APOO: variants seen among roughly 807,000 people sequenced by gnomAD.
The protein encoded by APOO is MICOS complex subunit MIC26.
Under a neutral mutation model 23.1 loss-of-function variants are expected in APOO, and 11 were observed. The ratio of observed to expected loss-of-function variants is 0.48; its 90% CI spans 0.30 to 0.79. The LOEUF is 0.79. APOO is among the 30% of genes least tolerant of loss of function. The pLI, the probability that APOO is intolerant of heterozygous loss-of-function variation, is 0.07. For missense variants in APOO, 160 were observed against 142.7 expected, an observed-to-expected ratio of 1.12 and a Z score of -0.62; for synonymous variants, 59 against 54.8, an observed-to-expected ratio of 1.08 and a Z score of -0.34.
At chrX:23,871,800 T>G (rs1485624044) in intron 4 of APOO, among the ~76,000 whole-genome samples, 5 of 111,916 alleles carry the variant, frequency 4.5e-5, no homozygotes, top group Non-Finnish European at 3.8e-5. Context: ...CCTGGCAGAA[T>G]GGTGACTTAA....
In APOO at chrX:23,907,631, CG is replaced by C. The variant is rs1052414197; in HGVS notation, c.9+62del. ...GCTGCAGAGAGGCCCCAAGAGAGCG[CG>C]GGGAGGGCTCGGGCGGCCGGGAGGG... On this transcript the variant is annotated intron_variant, in intron 1 of 8. Coordinates refer to ENST00000379226, the MANE Select transcript of APOO (RefSeq NM_024122.5). 8 of 1,117,734 alleles carry C rather than the reference CG, an allele frequency of 7.2e-6. No individual in the cohort carries two copies. In the African/African-American group the frequency reaches 1.5e-4, roughly 21 times the overall value. 92.1% of individuals were successfully genotyped at this position (1,117,734 alleles called of 1,213,427 possible).
intron 4 of APOO, among the ~76,000 whole-genome samples, chrX:23,869,132 C>T (rs1925483465): frequency 9.1e-6 from 1 of 110,055 alleles, no homozygotes; most frequent in Non-Finnish European, 1.9e-5. Context: ...TGGTCTCGAA[C>T]TCCTGACCTC....
At chrX:23,865,748 T>C (rs1303684648) in intron 5 of APOO, among the ~76,000 whole-genome samples, 1 of 111,383 alleles carries the variant, frequency 9.0e-6, no homozygotes, top group Non-Finnish European at 1.9e-5. Flanking sequence ...CTCATCTTGC[T>C]TGGTGAACCC....
At chrX:23,893,903 C>A (rs923309291) in intron 1 of APOO, among the ~76,000 whole-genome samples, 1 of 110,387 alleles carries the variant, frequency 9.1e-6, no homozygotes, top group African/African-American at 3.3e-5. Context: ...GGGCCACACA[C>A]CAAACAGAAC....
At chrX:23,886,716 G>A (rs779134977) in intron 1 of APOO, among the ~76,000 whole-genome samples, 2 of 111,335 alleles carry the variant, frequency 1.8e-5, no homozygotes, top group South Asian at 3.8e-4. Context: ...CTCCTGGTGC[G>A]AGATGACCCC....
intron 1 of APOO, chrX:23,883,763 C>T (rs1290911202): frequency 1.8e-5 from 2 of 111,636 alleles, no homozygotes; most frequent in Non-Finnish European, 3.8e-5. Flanking sequence ...AAACATCCAC[C>T]CCTAGACGCT....
At chrX:23,879,154 G>T in intron 2 of APOO, 120 bp from the exon 3 acceptor site, 1 of 874,318 alleles carries the variant, frequency 1.1e-6, no homozygotes. Context: ...GTGACTCTGT[G>T]GTCGGGTGTG....
At position 23,893,391 on chromosome X, in the gene APOO, C is replaced by T. The variant is rs186429596; in HGVS notation, c.10-12439G>A. The stretch of plus-strand genomic sequence containing the variant: ...AGTGAGCCGACATCACGCCACTGCA[C>T]TCCAGTCTGGGCGACAGGGCAAGGC... On this transcript the variant is annotated intron_variant, in intron 1 of 8. Transcript: ENST00000379226. 2.9e-3 allele frequency among the ~76,000 whole-genome samples: 315 copies of T among 109,499 alleles called. 1 individual carries two copies. Among genetic ancestry groups the T allele is most frequent in the African/African-American group, 9.9e-3 (300 of 30,256 alleles).
intron 5 of APOO, among the ~76,000 whole-genome samples, chrX:23,863,995 AT>A (rs767260523): frequency 0.028 from 2,644 of 95,193 alleles, 39 homozygotes; most frequent in Non-Finnish European, 0.038. Context: ...TGTGTTATTG[AT>A]TTTTTTTTTT....
chrX:23,900,552 G>T (rs1191561598), intron 1 of APOO, among the ~76,000 whole-genome samples: 1 of 109,357 alleles, frequency 9.1e-6, no homozygotes, highest in Non-Finnish European at 1.9e-5. Flanking sequence ...GTGCATGCCT[G>T]TAGTCCCAGC....
intron 7 of APOO, among the ~76,000 whole-genome samples, chrX:23,842,528 A>G (rs1924030502): frequency 8.9e-6 from 1 of 112,278 alleles, no homozygotes; most frequent in Admixed American, 9.5e-5. Flanking sequence ...AAAAAAATCA[A>G]AACATTGATT....
chrX:23,869,200 C>CAT (rs1925488148), intron 4 of APOO, among the ~76,000 whole-genome samples: 1 of 110,424 alleles, frequency 9.1e-6, no homozygotes, highest in East Asian at 2.8e-4. Context: ...TGAGCCACTG[C>CAT]GCCCGGCTGC....
chrX:23,901,285 C>T (rs2147051948), intron 1 of APOO, among the ~76,000 whole-genome samples: 1 of 111,853 alleles, frequency 8.9e-6, no homozygotes, highest in South Asian at 3.7e-4. Context: ...CACTAGGCCA[C>T]CTTCTTGCCC....
At chrX:23,892,340 C>T (rs942128897) in intron 1 of APOO, among the ~76,000 whole-genome samples, 18 of 107,805 alleles carry the variant, frequency 1.7e-4, no homozygotes, top group African/African-American at 5.1e-4. Context: ...CAACCTCCGC[C>T]GTCTCTCGGA....
In APOO at chrX:23,907,830, G is replaced by T; in HGVS notation, c.-128C>A. 1.3e-6 allele frequency: 1 copy of T among 752,966 alleles called. No individual in the cohort carries two copies. The highest frequency in any genetic ancestry group is 1.8e-6 in the Non-Finnish European group (1 of 544,279). The allele number at this position is 752,966 out of a possible 1,213,427, so 62.1% of individuals were successfully genotyped here. On this transcript the variant is annotated 5_prime_UTR_variant, in exon 1 of 9. Coordinates refer to ENST00000379226, the MANE Select transcript of APOO (RefSeq NM_024122.5). ...GCAAGCAGGCAGCGGTGCGGGTGAC[G>T]GCCGTACTGCAAACTCGGTGCGGCG...
At chrX:23,878,778 C>T (rs1925975950) in intron 3 of APOO, 137 bp downstream of exon 3, 1 of 821,548 alleles carries the variant, frequency 1.2e-6, no homozygotes. Context: ...CCCAGACCCC[C>T]ACTACCCTTC....
In APOO at chrX:23,846,954, C is replaced by T. The variant is rs369995222; in HGVS notation, c.562-6577G>A. Among the ~76,000 whole-genome samples, 20 of 111,123 alleles carry T rather than the reference C, an allele frequency of 1.8e-4. No individual in the cohort carries two copies. In the East Asian group the frequency reaches 4.8e-3, roughly 27 times the overall value. ...AGAAAAGACATCTGCAAACATCTGG[C>T]CAAAACTATTAATATCTAGGAAAAA... is the stretch of plus-strand genomic sequence containing the variant. On this transcript the variant is annotated intron_variant, in intron 7 of 8. Coordinates refer to ENST00000379226, the MANE Select transcript of APOO (RefSeq NM_024122.5).
At chrX:23,899,913 GC>G (rs1292750572) in intron 1 of APOO, among the ~76,000 whole-genome samples, 1 of 111,970 alleles carries the variant, frequency 8.9e-6, no homozygotes, top group Non-Finnish European at 1.9e-5. Context: ...ATATCAACAG[GC>G]CTCATGGGGT....
chrX:23,905,215 T>C (rs767933196), intron 1 of APOO, among the ~76,000 whole-genome samples: 14 of 108,697 alleles, frequency 1.3e-4, no homozygotes, highest in Non-Finnish European at 2.5e-4. Flanking sequence ...ATGGTGAAAC[T>C]CCGTCTTTAT....
Sources: allele counts gnomAD v4.1 joint callset (sites outside exome capture counted in the v4.1 genomes callset), GRCh38; gene constraint gnomAD v4.1.1; transcripts MANE v1.5; gene names NCBI Gene and HGNC (gene_info 2026-07-23, HGNC 2026-07-21).